Variants in SETD2 observed in about 807,000 individuals in gnomAD.
SETD2 encodes the protein SET domain containing 2, histone lysine methyltransferase.
A neutral mutation model predicts 242.1 loss-of-function variants in SETD2; 31 were observed. The observed-to-expected ratio is 0.13, with a 90% CI of 0.10 to 0.17. The LOEUF (loss-of-function observed/expected upper bound fraction) is 0.17, where lower values mean the gene tolerates loss of function less well. Ranked by LOEUF, SETD2 falls within the 10% of genes least tolerant of loss-of-function variation. SETD2 has a pLI of 1.00. For synonymous variants in SETD2, 1,006 were observed against 1,066.5 expected (o/e 0.94, Z 1.11); for missense variants, 2,481 against 3,046.3 (o/e 0.81, Z 4.37).
intron 9 of SETD2, among the ~76,000 whole-genome samples, chr3:47,090,376 T>C (rs547947481): frequency 2.6e-5 from 4 of 152,032 alleles, no homozygotes; most frequent in Admixed American, 1.3e-4. Context: ...ATGATCAAAA[T>C]GGATTATTAT....
chr3:47,055,326 C>T (rs2040008504), intron 15 of SETD2, among the ~76,000 whole-genome samples: 1 of 152,124 alleles, frequency 6.6e-6, no homozygotes, highest in Non-Finnish European at 1.5e-5. Context: ...CACAATAATT[C>T]ATTTTTAAGG....
At chr3:47,054,951 CA>C (rs1308762566) in intron 15 of SETD2, among the ~76,000 whole-genome samples, 1 of 151,950 alleles carries the variant, frequency 6.6e-6, no homozygotes, top group Non-Finnish European at 1.5e-5. Context: ...GGAATTGAGT[CA>C]AATCTCTTTC....
At chr3:47,129,311 G>C (rs1476328631) in intron 1 of SETD2, among the ~76,000 whole-genome samples, 1 of 152,296 alleles carries the variant, frequency 6.6e-6, no homozygotes, top group African/African-American at 2.4e-5. Context: ...AGTGTTAATA[G>C]ATAAAAATCA....
At chr3:47,128,251 A>G (rs892792517) in intron 1 of SETD2, among the ~76,000 whole-genome samples, 1 of 152,166 alleles carries the variant, frequency 6.6e-6, no homozygotes, top group African/African-American at 2.4e-5. Flanking sequence ...GCTCCATAAC[A>G]CAATGCGCAG....
rs199890800 is a variant in SETD2, at chr3:47,121,500, T to G, written c.3136A>C (p.Asn1046His). ...EDYSGSSESS[N>H]DESDSEDTDS... ...GTATCTTCTGAATCACTTTCATCAT[T>G]TGAACTTTCAGAAGAGCCAGAATAA... Residue 1046 changes from asparagine to histidine, a missense_variant, in exon 3 of 21, where the codon AAT (asparagine) becomes CAT (histidine). This residue lies in a region of SETD2 where 1,300 missense variants were observed against 1,259.2 expected (regional missense o/e 1.03). Coordinates refer to ENST00000409792, the MANE Select transcript of SETD2 (RefSeq NM_014159.7). 1.2e-6 allele frequency: 2 copies of G among 1,614,066 alleles called. No individual in the cohort carries two copies. The highest frequency in any genetic ancestry group is 1.7e-6 in the Non-Finnish European group (2 of 1,180,016).
intron 1 of SETD2, among the ~76,000 whole-genome samples, chr3:47,150,652 C>T (rs1421884639): frequency 2.0e-5 from 3 of 152,014 alleles, no homozygotes; most frequent in African/African-American, 2.4e-5. Context: ...CACTCAATTC[C>T]CTGACCTCTG....
rs377229866 is a variant in SETD2, at chr3:47,079,988, C to G, written c.6060+3732G>C. On this transcript the variant is annotated intron_variant, in intron 12 of 20. Coordinates refer to ENST00000409792, the MANE Select transcript of SETD2 (RefSeq NM_014159.7). ...TCCTTATGGATACAGAATAATCTTA[C>G]TCTAGTAAGAATTCAAAAATTATCA... 3.0e-4 allele frequency among the ~76,000 whole-genome samples: 45 copies of G among 152,292 alleles called. No individual in the cohort carries two copies. The South Asian group carries it at 8.7e-3, about 29-fold the overall frequency.
intron 9 of SETD2, 135 bp from the exon 10 acceptor site, chr3:47,088,382 T>C: frequency 1.3e-6 from 1 of 768,604 alleles, no homozygotes; most frequent in Non-Finnish European, 2.0e-6. Flanking sequence ...AGTACTAGAC[T>C]GGGGGAAAAA....
chr3:47,057,570 T>C lies in SETD2; in HGVS notation c.6294-80A>G, dbSNP rs572225603. 6.2e-4 allele frequency: 645 copies of C among 1,043,520 alleles called. 1 individual carries two copies. The highest frequency in any genetic ancestry group is 8.5e-4 in the Non-Finnish European group (602 of 706,562). 64.6% of individuals were successfully genotyped at this position (1,043,520 alleles called of 1,614,324 possible). On this transcript the variant is annotated intron_variant, in intron 14 of 20. Transcript: ENST00000409792. ...AAAGCACTAATAAGTATTATGTCAC[T>C]CATGACTAAACCACTAACCACATCA...
intron 1 of SETD2, among the ~76,000 whole-genome samples, chr3:47,158,495 A>AT (rs2044175811): frequency 6.6e-6 from 1 of 152,218 alleles, no homozygotes; most frequent in African/African-American, 2.4e-5. Flanking sequence ...GACTACAAGG[A>AT]TGAAGACCTT....
intron 1 of SETD2, among the ~76,000 whole-genome samples, chr3:47,158,785 A>G (rs901345476): frequency 6.6e-6 from 1 of 152,198 alleles, no homozygotes; most frequent in African/African-American, 2.4e-5. Context: ...TCACCTGCAT[A>G]TTTTATTATT....
intron 18 of SETD2, among the ~76,000 whole-genome samples, chr3:47,033,652 ATTTTTTTTTTTTT>A (rs34978514): frequency 4.4e-5 from 4 of 90,864 alleles, no homozygotes; most frequent in East Asian, 8.1e-4. Flanking sequence ...TCATGGTTTG[ATTTTTTTTTTTTT>A]TTTTTTTTTT....
intron 17 of SETD2, among the ~76,000 whole-genome samples, chr3:47,039,691 C>A (rs1450582629): frequency 7.8e-6 from 1 of 128,098 alleles, no homozygotes; most frequent in East Asian, 2.3e-4. Flanking sequence ...CACGGTTAAA[C>A]CCTGTCTCTA....
At chr3:47,023,614 C>G (rs773843536) in intron 18 of SETD2, among the ~76,000 whole-genome samples, 1 of 152,004 alleles carries the variant, frequency 6.6e-6, no homozygotes, top group Non-Finnish European at 1.5e-5. Context: ...AAACTTAGTA[C>G]AGCTGGTGTT....
At position 47,018,975 on chromosome 3, in the gene SETD2, G is replaced by A. The variant is rs545310282; in HGVS notation, c.7431+785C>T. On this transcript the variant is annotated intron_variant, in intron 19 of 20. Coordinates refer to ENST00000409792, the MANE Select transcript of SETD2 (RefSeq NM_014159.7). Reference sequence around the variant, plus strand: ...CTGACTGCCCAGATTGTGGCTCCCAGCCCTAATATGGCATACTTTTCACAC... The same window carrying A: ...CTGACTGCCCAGATTGTGGCTCCCAACCCTAATATGGCATACTTTTCACAC... Among the ~76,000 whole-genome samples, 8 of 152,338 alleles carry A rather than the reference G, an allele frequency of 5.3e-5. No homozygotes were observed. In the South Asian group the frequency reaches 1.4e-3, roughly 28 times the overall value.
At chr3:47,069,650 G>A (rs1182593758) in intron 12 of SETD2, among the ~76,000 whole-genome samples, 1 of 152,138 alleles carries the variant, frequency 6.6e-6, no homozygotes, top group Non-Finnish European at 1.5e-5. Flanking sequence ...AGACATCTGG[G>A]CTCTCTTTTC....
In SETD2 at chr3:47,163,838, C is replaced by T. The variant is rs1167518416; in HGVS notation, c.71+16G>A. ...GGCGGCCGACAGCAGCGGGGGGCCGCGGAGCTGATACTTACTCAGGGGTCG... is the reference window on the plus strand; with the variant it reads ...GGCGGCCGACAGCAGCGGGGGGCCGTGGAGCTGATACTTACTCAGGGGTCG... On this transcript the variant is annotated intron_variant, in intron 1 of 20. Transcript: ENST00000409792. 1.0e-5 allele frequency: 13 copies of T among 1,277,378 alleles called. No individual in the cohort carries two copies. The East Asian group carries it at 3.6e-4, about 35-fold the overall frequency. 79.1% of individuals were successfully genotyped at this position (1,277,378 alleles called of 1,614,324 possible). A position where few individuals can be genotyped will look rare whatever the true frequency, so the allele number is the denominator to read the frequency against.
intron 1 of SETD2, among the ~76,000 whole-genome samples, chr3:47,151,575 C>T (rs908922582): frequency 6.6e-6 from 1 of 152,060 alleles, no homozygotes; most frequent in Non-Finnish European, 1.5e-5. Flanking sequence ...TGTCTATAAT[C>T]CCAGCATGTG....
chr3:47,081,886 A>G (rs988417518), intron 12 of SETD2, among the ~76,000 whole-genome samples: 3 of 152,238 alleles, frequency 2.0e-5, no homozygotes, highest in Non-Finnish European at 4.4e-5. Flanking sequence ...CTCCCTTGAC[A>G]CTAAGAATCA....
Sources: allele counts gnomAD v4.1 joint callset (sites outside exome capture counted in the v4.1 genomes callset), GRCh38; gene constraint gnomAD v4.1.1; regional missense constraint gnomAD v4.1.1; transcripts MANE v1.5; gene names NCBI Gene and HGNC (gene_info 2026-07-23, HGNC 2026-07-21).